Variants in PHF20L1 observed in about 807,000 individuals in gnomAD.
PHF20L1 encodes the protein PHD finger protein 20-like protein 1.
In PHF20L1, 44 loss-of-function variants were observed where a neutral mutation model predicts 125.5. That is an observed-to-expected ratio of 0.35 (90% confidence interval 0.28 to 0.45). The LOEUF (loss-of-function observed/expected upper bound fraction) is 0.45. Among genes scored for constraint, PHF20L1 ranks in the 20% least tolerant of loss-of-function variants. PHF20L1 has a pLI of 1.00. For synonymous variants in PHF20L1, 380 were observed against 403.1 expected (o/e 0.94, Z 0.69); for missense variants, 1,012 against 1,217.2 (o/e 0.83, Z 2.51).
intron 2 of PHF20L1, among the ~76,000 whole-genome samples, chr8:132,779,397 G>T (rs777661782): frequency 3.9e-5 from 6 of 152,162 alleles, no homozygotes; most frequent in Admixed American, 6.5e-5. Context: ...GTCTATCTTG[G>T]TTCTCATTTG....
At position 132,824,074 on chromosome 8, in the gene PHF20L1, G is replaced by A; in HGVS notation, c.1636+14G>A. 2 of 1,549,288 alleles carry A rather than the reference G, an allele frequency of 1.3e-6. No homozygotes were observed. Among genetic ancestry groups the A allele is most frequent in the Non-Finnish European group, 1.8e-6 (2 of 1,126,622 alleles). ...CAACAGCATTTGGTATGAACAGAAA[G>A]TAATCTTTAAGCAAAAGACTATAAA... On this transcript the variant is annotated intron_variant, in intron 13 of 20. Transcript: ENST00000395386.
intron 14 of PHF20L1, among the ~76,000 whole-genome samples, chr8:132,829,290 G>A (rs2131822352): frequency 6.6e-6 from 1 of 152,126 alleles, no homozygotes; most frequent in Admixed American, 6.6e-5. Flanking sequence ...TTTAGTATAG[G>A]TATTCAAATC....
At chr8:132,810,445 A>C (rs1030929042) in intron 8 of PHF20L1, 1 of 151,782 alleles carries the variant, frequency 6.6e-6, no homozygotes, top group Non-Finnish European at 1.5e-5. Flanking sequence ...AATGAACTAT[A>C]ATATTAAGTT....
At chr8:132,804,983 G>A (rs563707823) in intron 8 of PHF20L1, among the ~76,000 whole-genome samples, 1 of 151,972 alleles carries the variant, frequency 6.6e-6, no homozygotes, top group South Asian at 2.1e-4. Context: ...GGGTTGATAA[G>A]GACAAATGCT....
At chr8:132,803,389 T>C (rs1833314593) in intron 6 of PHF20L1, among the ~76,000 whole-genome samples, 1 of 151,950 alleles carries the variant, frequency 6.6e-6, no homozygotes, top group Non-Finnish European at 1.5e-5. Context: ...GGGAATACAC[T>C]ATTTTTAATC....
chr8:132,844,365 G>T, intron 20 of PHF20L1, 47 bp downstream of exon 20: 1 of 1,445,908 alleles, frequency 6.9e-7, no homozygotes, highest in Non-Finnish European at 9.5e-7. Flanking sequence ...TGAATTTATT[G>T]TTACTATGAA....
chr8:132,835,244 T>C (rs1474847656), intron 15 of PHF20L1, among the ~76,000 whole-genome samples: 1 of 152,106 alleles, frequency 6.6e-6, no homozygotes, highest in East Asian at 1.9e-4. Context: ...GATTCTGATA[T>C]TCTAGTAAGA....
chr8:132,800,278 G>T (rs1444665445), intron 6 of PHF20L1, among the ~76,000 whole-genome samples: 1 of 151,618 alleles, frequency 6.6e-6, no homozygotes, highest in Non-Finnish European at 1.5e-5. Flanking sequence ...ATAACATTAA[G>T]ATCAGTGCCA....
Position 132,794,392 on chromosome 8 carries a change from A to G in PHF20L1, c.84-18A>G. 1 of 1,517,670 alleles carries G rather than the reference A, an allele frequency of 6.6e-7. No homozygotes were observed. Among genetic ancestry groups the G allele is most frequent in the Non-Finnish European group, 9.1e-7 (1 of 1,094,976 alleles). The allele number at this position is 1,517,670 out of a possible 1,614,324, so 94.0% of individuals were successfully genotyped here. A position where few individuals can be genotyped will look rare whatever the true frequency, so the allele number is the denominator to read the frequency against. On this transcript the variant is annotated intron_variant, in intron 2 of 20. Coordinates refer to ENST00000395386, the MANE Select transcript of PHF20L1 (RefSeq NM_016018.5). ...ATATAAGGATTTTCTCTTTATATGAAGCATTTTGATTTTTGAGGTATCCAT... is the reference window on the plus strand; with the variant it reads ...ATATAAGGATTTTCTCTTTATATGAGGCATTTTGATTTTTGAGGTATCCAT...
At chr8:132,844,438 G>A (rs953424044) in intron 20 of PHF20L1, 120 bp downstream of exon 20, 1 of 690,604 alleles carries the variant, frequency 1.4e-6, no homozygotes, top group Non-Finnish European at 2.4e-6. Flanking sequence ...TACCGATGGG[G>A]CTTTATTACT....
chr8:132,832,244 A>G lies in PHF20L1; in HGVS notation c.1754A>G (p.Asp585Gly), dbSNP rs1463670693. 1.3e-6 allele frequency: 2 copies of G among 1,582,260 alleles called. No homozygotes were observed. Reference protein sequence around the residue: ...KKKSKQHDYSDYEDSSLEFLE... With the variant: ...KKKSKQHDYSGYEDSSLEFLE... ...GTATCTTATGTTGCAGACTATTCAG[A>G]CTATGAAGACAGTTCCCTCGAATTT... Residue 585 changes from aspartate (D) to glycine (G), a missense_variant, in exon 15 of 21, where the codon GAC (aspartate) becomes GGC (glycine). This residue lies in a region of PHF20L1 where 320 missense variants were observed against 293.8 expected (regional missense o/e 1.09). Transcript: ENST00000395386.
intron 7 of PHF20L1, 55 bp from the exon 8 acceptor site, chr8:132,804,560 G>C: frequency 7.2e-7 from 1 of 1,387,104 alleles, no homozygotes; most frequent in Admixed American, 2.1e-5. Context: ...AAAAAATCAT[G>C]TGTTTTAATT....
At chr8:132,837,852 A>C (rs528746807) in intron 17 of PHF20L1, 41 bp downstream of exon 17, 4 of 1,366,746 alleles carry the variant, frequency 2.9e-6, no homozygotes, top group African/African-American at 1.4e-5. Context: ...GGATGCCTCT[A>C]TGTCTCCTCC....
At chr8:132,777,986 T>G in intron 2 of PHF20L1, 75 bp downstream of exon 2, 1 of 887,448 alleles carries the variant, frequency 1.1e-6, no homozygotes, top group Admixed American at 1.9e-5. Flanking sequence ...AAACAGTAAA[T>G]TCCACTGATG....
rs181554008 is a variant in PHF20L1, at chr8:132,847,551, A to T, written c.*1628A>T. The T allele has an allele frequency of 2.7e-4, 42 of 152,762 alleles. 1 individual carries two copies. In the East Asian group the frequency reaches 2.9e-3, roughly 11 times the overall value. The allele number at this position is 152,762 out of a possible 1,614,324, so 9.5% of individuals were successfully genotyped here. Reference sequence around the variant, plus strand: ...ATTGTTCTATATGTAAGGGTACTGTATGTAAAACTCTGTATTAAAACTATT... The same window carrying T: ...ATTGTTCTATATGTAAGGGTACTGTTTGTAAAACTCTGTATTAAAACTATT... On this transcript the variant is annotated 3_prime_UTR_variant, in exon 21 of 21. Coordinates refer to ENST00000395386, the MANE Select transcript of PHF20L1 (RefSeq NM_016018.5).
Position 132,804,037 on chromosome 8 carries a change from A to G in PHF20L1, c.721+5A>G. The G allele has an allele frequency of 6.4e-7, 1 of 1,570,920 alleles. No homozygotes were observed. Among genetic ancestry groups the G allele is most frequent in the Non-Finnish European group, 8.8e-7 (1 of 1,141,674 alleles). On this transcript the variant is annotated splice_donor_5th_base_variant and intron_variant, in intron 7 of 20. Transcript: ENST00000395386. The stretch of plus-strand genomic sequence containing the variant: ...CTACATCTAGTGAAACATTTGGTAC[A>G]AAATACATTCTTACGTTAATTCCTT...
chr8:132,834,000 G>A (rs1837071711), intron 15 of PHF20L1, among the ~76,000 whole-genome samples: 1 of 152,086 alleles, frequency 6.6e-6, no homozygotes. Flanking sequence ...CTTGCAAAAT[G>A]CTGTCTCAGG....
At chr8:132,843,018 TG>T in intron 19 of PHF20L1, 143 bp downstream of exon 19, 1 of 1,400,934 alleles carries the variant, frequency 7.1e-7, no homozygotes, top group African/African-American at 1.5e-5. Context: ...GAGATTTTTT[TG>T]TTTTCTCTAC....
intron 2 of PHF20L1, among the ~76,000 whole-genome samples, chr8:132,782,330 T>A (rs1440577259): frequency 6.6e-6 from 1 of 152,258 alleles, no homozygotes; most frequent in Non-Finnish European, 1.5e-5. Context: ...GAAGCAGTAT[T>A]ACTGGCTTTT....
Sources: allele counts gnomAD v4.1 joint callset (sites outside exome capture counted in the v4.1 genomes callset), GRCh38; gene constraint gnomAD v4.1.1; regional missense constraint gnomAD v4.1.1; transcripts MANE v1.5; gene names NCBI Gene and HGNC (gene_info 2026-07-23, HGNC 2026-07-21).